The following CSTA variants were observed in gnomAD, a reference collection of about 807,000 sequenced individuals.
CSTA encodes cystatin A, also known as cystatin-A.
Under a neutral mutation model 9.2 loss-of-function variants are expected in CSTA, and 9 were observed. That is an observed-to-expected ratio of 0.97 (90% CI 0.59 to 1.70). CSTA has a LOEUF of 1.70. CSTA is among the 40% of genes most tolerant of loss of function. CSTA has a pLI of 0.00. For missense variants in CSTA, 118 were observed against 113.1 expected (o/e 1.04, Z -0.20); for synonymous variants, 36 against 40.6 (o/e 0.89, Z 0.43).
chr3:122,336,267 C>T (rs2107667896), intron 1 of CSTA, among the ~76,000 whole-genome samples: 1 of 152,164 alleles, frequency 6.6e-6, no homozygotes, highest in South Asian at 2.1e-4. Context: ...AAGGAAACTT[C>T]AAGATAAACC....
intron 1 of CSTA, among the ~76,000 whole-genome samples, chr3:122,336,657 A>G (rs2075238708): frequency 6.6e-6 from 1 of 152,204 alleles, no homozygotes; most frequent in Admixed American, 6.5e-5. Flanking sequence ...ATGGCGAGAA[A>G]CAAGACTCCT....
At chr3:122,331,235 TCATCTGCATAC>T (rs2075203259) in intron 1 of CSTA, among the ~76,000 whole-genome samples, 1 of 151,750 alleles carries the variant, frequency 6.6e-6, no homozygotes, top group African/African-American at 2.4e-5. Context: ...CACAAACACT[TCATCTGCATAC>T]CATCCTGGGC....
In CSTA at chr3:122,331,851, A is replaced by G. The variant is rs560663976; in HGVS notation, c.67-5696A>G. Among the ~76,000 whole-genome samples, 9 of 152,060 alleles carry G rather than the reference A, an allele frequency of 5.9e-5. No individual in the cohort carries two copies. In the South Asian group the frequency reaches 1.7e-3, roughly 28 times the overall value. ...ACTCTTCTTAGGCCAGCTGTCCCCA[A>G]CCTTTTTGGTACCTTTGTGGAAGGC... On this transcript the variant is annotated intron_variant, in intron 1 of 2. Coordinates refer to ENST00000264474, the MANE Select transcript of CSTA (RefSeq NM_005213.4).
intron 1 of CSTA, among the ~76,000 whole-genome samples, chr3:122,334,601 C>T (rs1458973536): frequency 6.6e-6 from 1 of 152,066 alleles, no homozygotes; most frequent in Non-Finnish European, 1.5e-5. Flanking sequence ...TCATGAAGGG[C>T]ATAAAAGCAA....
rs141557618 is a variant in CSTA, at chr3:122,341,024, C to A, written c.169-415C>A. 1.2e-4 allele frequency among the ~76,000 whole-genome samples: 18 copies of A among 151,742 alleles called. No individual in the cohort carries two copies. In the East Asian group the frequency reaches 2.1e-3, roughly 18 times the overall value. On this transcript the variant is annotated intron_variant, in intron 2 of 2. Transcript: ENST00000264474. ...TGGCATGATCTCGGCTCACTGCAAC[C>A]TTCTCCTCCTGGGTTCAAGTGATTC...
chr3:122,340,697 G>A lies in CSTA; in HGVS notation c.169-742G>A, dbSNP rs80117785. ...ATAAAGTAGGTTCTGATATAGGTAT[G>A]GGAACCCTGCATCCCAAATTTTCTA... On this transcript the variant is annotated intron_variant, in intron 2 of 2. Transcript: ENST00000264474. Among the ~76,000 whole-genome samples the A allele has an allele frequency of 6.4e-3, 980 of 152,292 alleles. 5 individuals carry two copies. Among genetic ancestry groups the A allele is most frequent in the Non-Finnish European group, 9.4e-3 (642 of 68,032 alleles).
At chr3:122,337,491 C>A in intron 1 of CSTA, 56 bp from the exon 2 acceptor site, 1 of 1,180,692 alleles carries the variant, frequency 8.5e-7, no homozygotes, top group Non-Finnish European at 1.3e-6. Flanking sequence ...GGGTACATTG[C>A]ATACATGGAG....
Position 122,325,366 on chromosome 3 carries a change from G to T in CSTA, c.66+8G>T. 6.2e-7 allele frequency: 1 copy of T among 1,614,020 alleles called. No individual in the cohort carries two copies. Among genetic ancestry groups the T allele is most frequent in the Non-Finnish European group, 8.5e-7 (1 of 1,179,900 alleles). On this transcript the variant is annotated splice_region_variant and intron_variant, in intron 1 of 2. Transcript: ENST00000264474. ...CAGGAGATTGTTGATAAGGTGAGTT[G>T]ATGCCATTCAGGAAAAAGTCTGAGC... is the stretch of plus-strand genomic sequence containing the variant.
At chr3:122,327,686 T>C (rs1239439319) in intron 1 of CSTA, among the ~76,000 whole-genome samples, 1 of 151,928 alleles carries the variant, frequency 6.6e-6, no homozygotes, top group Admixed American at 6.6e-5. Context: ...GAAAAAGAAA[T>C]GTGCATAGGT....
intron 1 of CSTA, among the ~76,000 whole-genome samples, chr3:122,326,637 C>G (rs1229671900): frequency 6.6e-6 from 1 of 152,168 alleles, no homozygotes; most frequent in Non-Finnish European, 1.5e-5. Flanking sequence ...CTAATTATTT[C>G]TCTTTCAAGA....
At chr3:122,340,288 A>T (rs1353562554) in intron 2 of CSTA, among the ~76,000 whole-genome samples, 2 of 152,080 alleles carry the variant, frequency 1.3e-5, no homozygotes, top group African/African-American at 4.8e-5. Flanking sequence ...ACTTCCTAGT[A>T]AAACCCCTTA....
intron 1 of CSTA, among the ~76,000 whole-genome samples, chr3:122,326,624 G>A (rs1022278109): frequency 1.3e-5 from 2 of 152,050 alleles, no homozygotes; most frequent in Non-Finnish European, 2.9e-5. Flanking sequence ...TCATTCTTGG[G>A]GACTAATTAT....
chr3:122,330,434 C>T (rs2075197623), intron 1 of CSTA, among the ~76,000 whole-genome samples: 1 of 152,106 alleles, frequency 6.6e-6, no homozygotes, highest in Admixed American at 6.5e-5. Context: ...ATGATAACTG[C>T]ATGACCAAGG....
At chr3:122,327,316 T>G (rs1484254859) in intron 1 of CSTA, among the ~76,000 whole-genome samples, 1 of 150,704 alleles carries the variant, frequency 6.6e-6, no homozygotes, top group Non-Finnish European at 1.5e-5. Flanking sequence ...GATCACGAGG[T>G]CAGGAGATCA....
At chr3:122,332,270 T>TC (rs995105089) in intron 1 of CSTA, among the ~76,000 whole-genome samples, 4 of 152,112 alleles carry the variant, frequency 2.6e-5, no homozygotes, top group Non-Finnish European at 5.9e-5. Flanking sequence ...AGCCAGTCCT[T>TC]CCTCTCTTAG....
chr3:122,337,739 C>T (rs2075243703), intron 2 of CSTA, 91 bp downstream of exon 2: 1 of 924,960 alleles, frequency 1.1e-6, no homozygotes, highest in Admixed American at 1.7e-5. Flanking sequence ...TAATTCCTTC[C>T]TTACGGTTGT....
chr3:122,333,026 G>C (rs1418087093), intron 1 of CSTA, among the ~76,000 whole-genome samples: 1 of 152,314 alleles, frequency 6.6e-6, no homozygotes, highest in South Asian at 2.1e-4. Flanking sequence ...ACTGGGAAGA[G>C]GGAGGGAGGC....
intron 1 of CSTA, among the ~76,000 whole-genome samples, chr3:122,325,776 T>C (rs1200962303): frequency 6.6e-6 from 1 of 152,198 alleles, no homozygotes; most frequent in Non-Finnish European, 1.5e-5. Context: ...AGGGAAAATT[T>C]TTTTAAATAG....
chr3:122,339,450 A>G (rs1346900784), intron 2 of CSTA, among the ~76,000 whole-genome samples: 1 of 152,212 alleles, frequency 6.6e-6, no homozygotes, highest in Non-Finnish European at 1.5e-5. Context: ...TGAAGAAACT[A>G]AAAAGATCAC....
Sources: allele counts gnomAD v4.1 joint callset (sites outside exome capture counted in the v4.1 genomes callset), GRCh38; gene constraint gnomAD v4.1.1; transcripts MANE v1.5; gene names NCBI Gene and HGNC (gene_info 2026-07-23, HGNC 2026-07-21).